Variants in SIGLEC10 observed in about 807,000 individuals in gnomAD.
The protein encoded by SIGLEC10 is sialic acid-binding Ig-like lectin 10.
In SIGLEC10, 45 loss-of-function variants were observed where a neutral mutation model predicts 68.3. The observed-to-expected ratio is 0.66, with a 90% CI of 0.52 to 0.84. The LOEUF (loss-of-function observed/expected upper bound fraction) is 0.84, where lower values mean the gene tolerates loss of function less well. Among genes scored for constraint, SIGLEC10 ranks in the 40% least tolerant of loss-of-function variants. The pLI is 0.00. For synonymous variants in SIGLEC10, 379 were observed against 370.8 expected (o/e 1.02, Z -0.26); for missense variants, 789 against 883.1 (o/e 0.89, Z 1.35).
At chr19:51,411,944 A>G (rs1015184421) in intron 10 of SIGLEC10, among the ~76,000 whole-genome samples, 1 of 151,968 alleles carries the variant, frequency 6.6e-6, no homozygotes, top group African/African-American at 2.4e-5. Context: ...GGAGTTTGAG[A>G]CCAGCCTGAT....
At chr19:51,416,281 C>T (rs1988643921) in intron 4 of SIGLEC10, 29 bp downstream of exon 4, 7 of 1,613,882 alleles carry the variant, frequency 4.3e-6, no homozygotes, top group Non-Finnish European at 5.9e-6. Context: ...AGACAACTGG[C>T]CCAGCCCCAG....
Position 51,411,217 on chromosome 19 carries a change from T to C in SIGLEC10, c.1976A>G (p.Gln659Arg). 6.2e-7 allele frequency: 1 copy of C among 1,614,152 alleles called. No individual in the cohort carries two copies. The highest frequency in any genetic ancestry group is 8.5e-7 in the Non-Finnish European group (1 of 1,180,030). ...ATAATGGAGCTCCTCTTGGCTCTCC[T>C]GGGATTCTGGGGCTTGAGTGGATGA... The part of the protein sequence containing the change: ...PKSSTQAPES[Q>R]ESQEELHYAT... Residue 659 changes from glutamine (Q) to arginine (R), a missense_variant, in exon 11 of 11, where the codon CAG becomes CGG. Gln to Arg is a conservative substitution (Grantham distance 43, BLOSUM62 1). Coordinates refer to ENST00000339313, the MANE Select transcript of SIGLEC10 (RefSeq NM_033130.5).
At chr19:51,413,208 A>G (rs1988180275) in intron 10 of SIGLEC10, among the ~76,000 whole-genome samples, 1 of 152,184 alleles carries the variant, frequency 6.6e-6, no homozygotes, top group Non-Finnish European at 1.5e-5. Context: ...AATATATTTA[A>G]CACCCAGCAT....
intron 3 of SIGLEC10, 92 bp downstream of exon 3, chr19:51,416,574 G>A: frequency 1.3e-6 from 2 of 1,589,344 alleles, no homozygotes; most frequent in Non-Finnish European, 1.7e-6. Flanking sequence ...GGATGCTCCT[G>A]AGCTGGGAGC....
intron 2 of SIGLEC10, 32 bp from the exon 3 acceptor site, chr19:51,416,982 T>G: frequency 6.3e-7 from 1 of 1,597,450 alleles, no homozygotes; most frequent in Non-Finnish European, 8.5e-7. Flanking sequence ...GAGATTCTTG[T>G]GCTGCAGGGG....
rs149911848 is a variant in SIGLEC10, at chr19:51,416,949, G to A, written c.423C>T (p.Ala141=). The part of the protein sequence containing the change: ...MNDGFFLKVT[A]LTQKPDVYIP... Reference sequence around the variant, plus strand: ...TGTAGACATCAGGCTTCTGAGTCAGGGCTGGGACAGAGACCGTGGTGGGAG... The same window carrying A: ...TGTAGACATCAGGCTTCTGAGTCAGAGCTGGGACAGAGACCGTGGTGGGAG... The change falls in exon 3 of 11, where the codon GCC becomes GCT. Residue 141 remains alanine, a splice_region_variant and synonymous_variant. Transcript: ENST00000339313. 19 of 1,609,506 alleles carry A rather than the reference G, an allele frequency of 1.2e-5. No homozygotes were observed. In the African/African-American group the frequency reaches 2.4e-4, roughly 20 times the overall value.
intron 3 of SIGLEC10, 31 bp from the exon 4 acceptor site, chr19:51,416,388 AG>A (rs1472287975): frequency 1.2e-6 from 2 of 1,613,948 alleles, no homozygotes; most frequent in Non-Finnish European, 1.7e-6. Flanking sequence ...GGCTTCAGGG[AG>A]GGACAATTTA....
At position 51,411,432 on chromosome 19, in the gene SIGLEC10, G is replaced by A. The variant is rs565654521; in HGVS notation, c.1822-61C>T. The A allele has an allele frequency of 4.0e-5, 64 of 1,589,732 alleles. 1 individual carries two copies. Among genetic ancestry groups the A allele is most frequent in the South Asian group, 1.8e-4 (16 of 88,508 alleles). ...CAGCAAATATTTGAGCACTTACCAC[G>A]CGTCGGGCACTGATTTACAGCACAG... On this transcript the variant is annotated intron_variant, in intron 10 of 10. Coordinates refer to ENST00000339313, the MANE Select transcript of SIGLEC10 (RefSeq NM_033130.5).
At position 51,415,428 on chromosome 19, in the gene SIGLEC10, G is replaced by A; in HGVS notation, c.1083C>T (p.Asn361=). The A allele has an allele frequency of 6.2e-7, 1 of 1,605,512 alleles. No homozygotes were observed. Among genetic ancestry groups the A allele is most frequent in the Non-Finnish European group, 8.5e-7 (1 of 1,174,686 alleles). Residue 361 remains asparagine (N), a synonymous_variant, in exon 7 of 11, where the codon AAC becomes AAT. Transcript: ENST00000339313. ...VSQANRTVLE[N]LGNGTSLPVL... is the part of the protein sequence containing the mutation. Reference sequence around the variant, plus strand: ...CTGGGAGAGACGTGCCGTTCCCAAGGTTTTCCAGGACTAGGGAAGGAAGAG... The same window carrying A: ...CTGGGAGAGACGTGCCGTTCCCAAGATTTTCCAGGACTAGGGAAGGAAGAG...
Position 51,411,045 on chromosome 19 carries a change from C to G in SIGLEC10, c.*54G>C. On this transcript the variant is annotated 3_prime_UTR_variant, in exon 11 of 11. Coordinates refer to ENST00000339313, the MANE Select transcript of SIGLEC10 (RefSeq NM_033130.5). ...CTTTGCACTCTGTTATCTTCAACCT[C>G]TTACTCTACCTTCCTCCCTAGCCGA... 2 of 1,568,738 alleles carry G rather than the reference C, an allele frequency of 1.3e-6. No individual in the cohort carries two copies. The highest frequency in any genetic ancestry group is 2.3e-5 in the South Asian group (2 of 85,652).
At chr19:51,416,585 C>T (rs1194703376) in intron 3 of SIGLEC10, 81 bp downstream of exon 3, 10 of 1,596,774 alleles carry the variant, frequency 6.3e-6, no homozygotes, top group African/African-American at 2.7e-5. Context: ...AGCTGGGAGC[C>T]GCTCACTGTC....
At position 51,414,574 on chromosome 19, in the gene SIGLEC10, C is replaced by T. The variant is rs924062046; in HGVS notation, c.1616-59G>A. On this transcript the variant is annotated intron_variant, in intron 8 of 10. Transcript: ENST00000339313. This position sits in a 1 kb window ranked among gnomAD's most constrained non-coding sequence, Gnocchi z 4.1. ...ATCCACGCAGGGCTCACGAAGCCCG[C>T]TCATCACTCGGCATTAAGGCTTCCG... The T allele has an allele frequency of 1.4e-5, 21 of 1,538,336 alleles. No homozygotes were observed. The highest frequency in any genetic ancestry group is 1.1e-4 in the African/African-American group (8 of 73,214).
At position 51,414,200 on chromosome 19, in the gene SIGLEC10, A is replaced by G. The variant is rs139203249; in HGVS notation, c.1709+222T>C. 80 of 585,400 alleles carry G rather than the reference A, an allele frequency of 1.4e-4. 1 individual carries two copies. The East Asian group carries it at 2.3e-3, about 17-fold the overall frequency. The allele number at this position is 585,400 out of a possible 1,614,324, so 36.3% of individuals were successfully genotyped here. ...CTTCAGCTGTGCCTAATTACAAGAA[A>G]CACTTCGCTTGGGGCGTGACTGCCC... On this transcript the variant is annotated intron_variant, in intron 9 of 10. Transcript: ENST00000339313. This position sits in a 1 kb window ranked among gnomAD's most constrained non-coding sequence, Gnocchi z 4.1.
At position 51,416,626 on chromosome 19, in the gene SIGLEC10, G is replaced by A. The variant is rs760652924; in HGVS notation, c.706+40C>T. 85 of 1,611,300 alleles carry A rather than the reference G, an allele frequency of 5.3e-5. No homozygotes were observed. The Admixed American group carries it at 7.8e-4, about 15-fold the overall frequency. ...GGGCTCCTCCACCTCCCCACCCACC[G>A]GGGCTGTCTGCACACCCCACCCTCC... On this transcript the variant is annotated intron_variant, in intron 3 of 10. Transcript: ENST00000339313.
Position 51,410,871 on chromosome 19 carries a change from A to C in SIGLEC10, c.*228T>G. On this transcript the variant is annotated 3_prime_UTR_variant, in exon 11 of 11. Coordinates refer to ENST00000339313, the MANE Select transcript of SIGLEC10 (RefSeq NM_033130.5). ...ACCAAGTTGGCCAGGCTGGTCTCGA[A>C]CTCCCGACCTCAGGCGATCTGCCCA... 4.4e-6 allele frequency: 2 copies of C among 451,526 alleles called. No homozygotes were observed. Among genetic ancestry groups the C allele is most frequent in the Non-Finnish European group, 7.8e-6 (2 of 256,792 alleles). 28.0% of individuals were successfully genotyped at this position (451,526 alleles called of 1,614,324 possible).
rs1988491954 is a variant in SIGLEC10, at chr19:51,415,311, G to A, written c.1200C>T (p.Ser400=). The change falls in exon 7 of 11, where the codon AGC becomes AGT. Residue 400 remains serine, a synonymous_variant. Transcript: ENST00000339313. ...CCCCGGGGTCTGAGGGCTGGGAGGGGCTCAGAACCTGTCCCCTCTGGGTCC... is the reference window on the plus strand; with the variant it reads ...CCCCGGGGTCTGAGGGCTGGGAGGGACTCAGAACCTGTCCCCTCTGGGTCC... The part of the protein sequence containing the change: ...LSWTQRGQVL[S]PSQPSDPGVL... 9 of 1,613,928 alleles carry A rather than the reference G, an allele frequency of 5.6e-6. No individual in the cohort carries two copies. Among genetic ancestry groups the A allele is most frequent in the South Asian group, 1.1e-5 (1 of 91,064 alleles).
In SIGLEC10 at chr19:51,410,967, A is replaced by G; in HGVS notation, c.*132T>C. The stretch of plus-strand genomic sequence containing the variant: ...CCCTGGCCAGATGTTTTTTTAAAAG[A>G]GAGAGAAAGAGAGAGAGAGAGAGAA... On this transcript the variant is annotated 3_prime_UTR_variant, in exon 11 of 11. Transcript: ENST00000339313. 9.2e-7 allele frequency: 1 copy of G among 1,089,860 alleles called. No individual in the cohort carries two copies. Among genetic ancestry groups the G allele is most frequent in the Non-Finnish European group, 1.3e-6 (1 of 766,336 alleles). The allele number at this position is 1,089,860 out of a possible 1,614,324, so 67.5% of individuals were successfully genotyped here.
chr19:51,417,053 G>A lies in SIGLEC10; in HGVS notation c.421+29C>T, dbSNP rs757379338. ...TCCCCAGGGTCCCTCCCCAGTGTGA[G>A]AGGCAGGGGTTCCCACCCCATTCCA... is the stretch of plus-strand genomic sequence containing the variant. On this transcript the variant is annotated intron_variant, in intron 2 of 10. Transcript: ENST00000339313. 9 of 1,607,218 alleles carry A rather than the reference G, an allele frequency of 5.6e-6. 1 individual carries two copies. The highest frequency in any genetic ancestry group is 4.0e-5 in the African/African-American group (3 of 74,916).
chr19:51,410,095 G>C lies in SIGLEC10; in HGVS notation c.*1004C>G, dbSNP rs1425437772. The stretch of plus-strand genomic sequence containing the variant: ...ACTCCATAGACAAGAGCAGCGCCTA[G>C]AGCTGCTGGTTGCCCACTTTTATGG... On this transcript the variant is annotated 3_prime_UTR_variant, in exon 11 of 11. Transcript: ENST00000339313. 6.6e-6 allele frequency: 1 copy of C among 152,240 alleles called. No homozygotes were observed. Among genetic ancestry groups the C allele is most frequent in the East Asian group, 1.9e-4 (1 of 5,196 alleles). 9.4% of individuals were successfully genotyped at this position (152,240 alleles called of 1,614,324 possible).
Sources: gnomAD v4.1 joint callset for allele counts (sites outside exome capture counted in the v4.1 genomes callset) on GRCh38, gnomAD v4.1.1 for gene constraint, Gnocchi (gnomAD v3.1) non-coding constraint, MANE v1.5 for transcripts, NCBI Gene and HGNC (gene_info 2026-07-23, HGNC 2026-07-21) for gene names.